Variants in CPSF6 observed in about 807,000 individuals in gnomAD.
CPSF6 encodes cleavage and polyadenylation specific factor 6, also known as cleavage and polyadenylation specificity factor subunit 6.
Under a neutral mutation model 56.7 loss-of-function variants are expected in CPSF6, and 10 were observed. That is an observed-to-expected ratio of 0.18 (90% CI 0.11 to 0.30). The LOEUF is 0.30. Ranked by LOEUF, CPSF6 falls within the 10% of genes least tolerant of loss-of-function variation. The pLI, the probability that CPSF6 is intolerant of heterozygous loss-of-function variation, is 1.00. For missense variants in CPSF6, 419 were observed against 722.9 expected (o/e 0.58, Z 4.82); for synonymous variants, 248 against 244.8 (o/e 1.01, Z -0.12).
intron 3 of CPSF6, among the ~76,000 whole-genome samples, chr12:69,254,074 T>C (rs1379888628): frequency 2.0e-5 from 3 of 152,228 alleles, no homozygotes; most frequent in South Asian, 2.1e-4. Flanking sequence ...ACTTTACTTA[T>C]ACCACTTGGT....
chr12:69,251,009 A>T, intron 1 of CPSF6, 120 bp from the exon 2 acceptor site: 1 of 946,014 alleles, frequency 1.1e-6, no homozygotes, highest in Non-Finnish European at 1.5e-6. Context: ...AAAGATTTGT[A>T]CTGAAATCCT....
At chr12:69,265,030 T>C (rs1238627435) in intron 9 of CPSF6, among the ~76,000 whole-genome samples, 8 of 152,176 alleles carry the variant, frequency 5.3e-5, no homozygotes, top group Non-Finnish European at 1.0e-4. Flanking sequence ...TCTTAACTTT[T>C]TAACTGGAAA....
intron 1 of CPSF6, among the ~76,000 whole-genome samples, chr12:69,240,407 C>G (rs1328174865): frequency 1.3e-5 from 2 of 152,154 alleles, no homozygotes; most frequent in Non-Finnish European, 2.9e-5. Context: ...AGATAAAAGT[C>G]GGTGCGCTGG....
intron 1 of CPSF6, among the ~76,000 whole-genome samples, chr12:69,243,636 A>G (rs939892424): frequency 1.3e-5 from 2 of 152,180 alleles, no homozygotes; most frequent in African/African-American, 4.8e-5. Flanking sequence ...TATAAAAGAT[A>G]AAAAGTGGCA....
At chr12:69,256,973 ATTAGAT>A (rs1872538224) in intron 4 of CPSF6, 131 bp downstream of exon 4, 1 of 774,680 alleles carries the variant, frequency 1.3e-6, no homozygotes, top group Non-Finnish European at 2.0e-6. Context: ...CATGCTTTGA[ATTAGAT>A]TTAATCACTG....
At chr12:69,265,540 A>G (rs1178880359) in intron 9 of CPSF6, among the ~76,000 whole-genome samples, 1 of 150,080 alleles carries the variant, frequency 6.7e-6, no homozygotes, top group Non-Finnish European at 1.5e-5. Flanking sequence ...ATCCATGACA[A>G]TTTTTAAGCA....
intron 1 of CPSF6, 67 bp from the exon 2 acceptor site, chr12:69,251,062 G>C (rs1872218839): frequency 1.9e-5 from 27 of 1,449,458 alleles, no homozygotes; most frequent in Non-Finnish European, 2.2e-5. Context: ...AGTTGAATTT[G>C]TATTCAAGTC....
intron 2 of CPSF6, chr12:69,252,106 A>G (rs1195126551): frequency 4.4e-6 from 2 of 454,378 alleles, no homozygotes; most frequent in Non-Finnish European, 8.8e-6. Context: ...AATTTGCAAA[A>G]CTCTGTCACC....
chr12:69,243,494 T>C (rs967357121), intron 1 of CPSF6, among the ~76,000 whole-genome samples: 12 of 152,222 alleles, frequency 7.9e-5, no homozygotes, highest in African/African-American at 2.4e-4. Context: ...GTAGGCTATA[T>C]GGTGTAGCCT....
intron 1 of CPSF6, among the ~76,000 whole-genome samples, chr12:69,245,695 G>A (rs1485582937): frequency 6.6e-6 from 1 of 152,202 alleles, no homozygotes; most frequent in Non-Finnish European, 1.5e-5. Flanking sequence ...TTTGTTGCTT[G>A]TTTGGGAGTC....
At chr12:69,265,763 C>G (rs182345844) in intron 9 of CPSF6, among the ~76,000 whole-genome samples, 1 of 151,738 alleles carries the variant, frequency 6.6e-6, no homozygotes, top group East Asian at 1.9e-4. Flanking sequence ...GCACCACGCC[C>G]GGCTAATTTT....
chr12:69,243,389 G>C (rs996563086), intron 1 of CPSF6, among the ~76,000 whole-genome samples: 1 of 152,182 alleles, frequency 6.6e-6, no homozygotes, highest in African/African-American at 2.4e-5. Context: ...CACGATGGCG[G>C]TATGTTCTGA....
At chr12:69,262,303 C>T (rs1872775261) in intron 8 of CPSF6, 70 bp from the exon 9 acceptor site, 3 of 1,427,838 alleles carry the variant, frequency 2.1e-6, no homozygotes, top group Admixed American at 2.3e-5. Flanking sequence ...TTTTTTTAGA[C>T]ATCAAAAAAT....
At chr12:69,247,506 A>T (rs1377642041) in intron 1 of CPSF6, among the ~76,000 whole-genome samples, 1 of 152,046 alleles carries the variant, frequency 6.6e-6, no homozygotes. Context: ...AATGATGTTG[A>T]TATTTTCTTG....
intron 3 of CPSF6, among the ~76,000 whole-genome samples, chr12:69,253,795 G>A (rs937298110): frequency 6.6e-6 from 1 of 151,986 alleles, no homozygotes. Context: ...ATCATACCTG[G>A]TATGCTACTG....
intron 2 of CPSF6, 55 bp from the exon 3 acceptor site, chr12:69,252,996 T>A (rs1872323677): frequency 1.0e-6 from 1 of 973,216 alleles, no homozygotes; most frequent in Non-Finnish European, 1.5e-6. Context: ...TAGACTGGGA[T>A]AATAAAAATC....
chr12:69,260,173 C>A lies in CPSF6; in HGVS notation c.1445C>A (p.Ser482Tyr). 1 of 1,611,674 alleles carries A rather than the reference C, an allele frequency of 6.2e-7. No individual in the cohort carries two copies. Among genetic ancestry groups the A allele is most frequent in the South Asian group, 1.1e-5 (1 of 90,638 alleles). ...SLQDCLHGIE[S>Y]KSYGSGSRRE... ...CAAGATTGCCTTCATGGAATTGAGT[C>A]CAAGTCTTATGGTTCTGGATCAAGG... Residue 482 changes from serine to tyrosine, a missense_variant, in exon 8 of 10, where the codon TCC becomes TAC. By Grantham distance (144) the Ser-to-Tyr change is moderately radical. Coordinates refer to ENST00000435070, the MANE Select transcript of CPSF6 (RefSeq NM_007007.3).
At chr12:69,268,510 T>C (rs891179253) in intron 9 of CPSF6, among the ~76,000 whole-genome samples, 3 of 151,770 alleles carry the variant, frequency 2.0e-5, no homozygotes, top group African/African-American at 7.2e-5. Flanking sequence ...ATTTTTCAGT[T>C]ATTTTTATTT....
chr12:69,262,974 AC>A (rs1344933379), intron 9 of CPSF6, among the ~76,000 whole-genome samples: 1 of 152,160 alleles, frequency 6.6e-6, no homozygotes, highest in Non-Finnish European at 1.5e-5. Flanking sequence ...ATGGAAAGTT[AC>A]TATTTTTGAA....
Sources: gnomAD v4.1 joint callset for allele counts (sites outside exome capture counted in the v4.1 genomes callset) on GRCh38, gnomAD v4.1.1 for gene constraint, MANE v1.5 for transcripts, NCBI Gene and HGNC (gene_info 2026-07-23, HGNC 2026-07-21) for gene names.